ADSS1: variants seen among roughly 807,000 people sequenced by gnomAD.
The protein encoded by ADSS1 is adenylosuccinate synthase 1.
A neutral mutation model predicts 59.1 loss-of-function variants in ADSS1; 57 were observed. That is an observed-to-expected ratio of 0.97 (90% CI 0.78 to 1.20). ADSS1 has a LOEUF of 1.20. ADSS1 is among the 50% of genes most tolerant of loss of function. ADSS1 has a pLI of 0.00. For synonymous variants in ADSS1, 247 were observed against 249.4 expected (o/e 0.99, Z 0.09); for missense variants, 603 against 610.3 (o/e 0.99, Z 0.13).
In ADSS1 at chr14:104,740,926, G is replaced by T. The variant is rs1197570328; in HGVS notation, c.666+6G>T. On this transcript the variant is annotated splice_donor_region_variant and intron_variant, in intron 7 of 12. Transcript: ENST00000330877. The surrounding 1 kb of genome is among the most constrained non-coding windows in gnomAD (Gnocchi z 4.8). ...GCCAACTCAAAAGGCTCAAGGTGAAGTCGGGGCCGCAGTGTGGGGGCTGCG... is the reference window on the plus strand; with the variant it reads ...GCCAACTCAAAAGGCTCAAGGTGAATTCGGGGCCGCAGTGTGGGGGCTGCG... 2.5e-6 allele frequency: 4 copies of T among 1,613,976 alleles called. No homozygotes were observed. Among genetic ancestry groups the T allele is most frequent in the Admixed American group, 1.7e-5 (1 of 60,034 alleles).
At position 104,742,843 on chromosome 14, in the gene ADSS1, G is replaced by A. The variant is rs554555472; in HGVS notation, c.949-224G>A. On this transcript the variant is annotated intron_variant, in intron 9 of 12. Transcript: ENST00000330877. ...GTTCAGGAAGAGCGCTCGCCGGCTCGGGTGGCATTGTGGGCCAGGCCTTGC... is the reference window on the plus strand; with the variant it reads ...GTTCAGGAAGAGCGCTCGCCGGCTCAGGTGGCATTGTGGGCCAGGCCTTGC... 3.2e-4 allele frequency among the ~76,000 whole-genome samples: 49 copies of A among 152,266 alleles called. 3 individuals are homozygous for A. The highest frequency in any genetic ancestry group is 2.9e-3 in the Admixed American group (44 of 15,298).
At chr14:104,724,694 G>A (rs565856766) in intron 1 of ADSS1, among the ~76,000 whole-genome samples, 16 of 151,870 alleles carry the variant, frequency 1.1e-4, no homozygotes, top group East Asian at 9.7e-4. Context: ...CCACCACCCC[G>A]GCAGCGGGCC....
intron 1 of ADSS1, among the ~76,000 whole-genome samples, chr14:104,731,014 A>C (rs1264776372): frequency 7.2e-6 from 1 of 138,004 alleles, no homozygotes; most frequent in Non-Finnish European, 1.5e-5. Flanking sequence ...TCCTGACCCA[A>C]GCCTGCACCA....
chr14:104,741,892 G>A lies in ADSS1; in HGVS notation c.838G>A (p.Val280Met), dbSNP rs770096651. 3 of 1,613,378 alleles carry A rather than the reference G, an allele frequency of 1.9e-6. No individual in the cohort carries two copies. Among genetic ancestry groups the A allele is most frequent in the Admixed American group, 1.7e-5 (1 of 60,012 alleles). Reference sequence around the variant, plus strand: ...TTCATCCAACTGCACCGTGGGCGGTGTGTGCACGGGCCTGGGCATCCCCCC... The same window carrying A: ...TTCATCCAACTGCACCGTGGGCGGTATGTGCACGGGCCTGGGCATCCCCCC... ...VTSSNCTVGG[V>M]CTGLGIPPQN... Residue 280 changes from valine to methionine, a missense_variant, in exon 9 of 13, where the codon GTG (valine) becomes ATG (methionine). Physicochemically the swap from Val to Met is conservative, Grantham distance 21. Coordinates refer to ENST00000330877, the MANE Select transcript of ADSS1 (RefSeq NM_152328.5).
chr14:104,737,988 TTTG>T (rs969124871), intron 2 of ADSS1: 60 of 240,832 alleles, frequency 2.5e-4, no homozygotes, highest in African/African-American at 1.4e-3. Flanking sequence ...TGGGTTGTTT[TTTG>T]TTGTTGTTTG....
In ADSS1 at chr14:104,743,077, G is replaced by T. The variant is rs757985995; in HGVS notation, c.959G>T (p.Gly320Val). The T allele has an allele frequency of 1.2e-6, 2 of 1,612,918 alleles. No homozygotes were observed. Among genetic ancestry groups the T allele is most frequent in the Admixed American group, 3.3e-5 (2 of 60,008 alleles). ...FPTEQINEIG[G>V]LLQTRGHEWG... Reference sequence around the variant, plus strand: ...CCTGTTCTCATGTAGGAGATTGGAGGCCTGCTGCAGACCCGCGGCCACGAG... The same window carrying T: ...CCTGTTCTCATGTAGGAGATTGGAGTCCTGCTGCAGACCCGCGGCCACGAG... Residue 320 changes from glycine to valine, a missense_variant, in exon 10 of 13, where the codon GGC (glycine) becomes GTC (valine). Physicochemically the swap from Gly to Val is moderately radical, Grantham distance 109. Transcript: ENST00000330877.
chr14:104,746,112 C>A, intron 11 of ADSS1, 124 bp from the exon 12 acceptor site: 1 of 1,336,108 alleles, frequency 7.5e-7, no homozygotes, highest in Non-Finnish European at 1.0e-6. Flanking sequence ...CACTTGCTGC[C>A]TTCCTTGCAG....
intron 10 of ADSS1, chr14:104,744,595 G>A: frequency 3.5e-6 from 2 of 568,848 alleles, no homozygotes; most frequent in South Asian, 2.1e-5. Flanking sequence ...AGAATTGAAT[G>A]ACAGGAGGTG....
intron 3 of ADSS1, 96 bp downstream of exon 3, chr14:104,738,534 G>T (rs1237339405): frequency 7.1e-7 from 1 of 1,402,686 alleles, no homozygotes; most frequent in Non-Finnish European, 9.9e-7. Flanking sequence ...CCACGGAGGG[G>T]ACTGGCAGGG....
chr14:104,730,061 A>C (rs1188524303), intron 1 of ADSS1: 17 of 1,566,158 alleles, frequency 1.1e-5, no homozygotes, highest in Non-Finnish European at 1.5e-5. Context: ...AGCTCAGCCC[A>C]CCCCTCACCT....
chr14:104,734,986 A>G, intron 1 of ADSS1, 34 bp from the exon 2 acceptor site: 2 of 1,597,722 alleles, frequency 1.3e-6, no homozygotes, highest in Non-Finnish European at 1.7e-6. Flanking sequence ...CTCAGTACCC[A>G]AGTGCCTTCA....
intron 1 of ADSS1, among the ~76,000 whole-genome samples, chr14:104,733,301 G>A (rs978162774): frequency 4.6e-5 from 7 of 152,196 alleles, no homozygotes; most frequent in African/African-American, 1.4e-4. Context: ...AAGTCAGGGC[G>A]TGGAGGTGGG....
rs747094101 is a variant in ADSS1 at position 104,741,887 on chromosome 14, G to A, written c.833G>A (p.Gly278Asp). Residue 278 changes from glycine to aspartate, a missense_variant, in exon 9 of 13, where the codon GGC becomes GAC. Transcript: ENST00000330877. Reference protein sequence around the residue: ...PFVTSSNCTVGGVCTGLGIPP... With the variant: ...PFVTSSNCTVDGVCTGLGIPP... ...GTGACTTCATCCAACTGCACCGTGGGCGGTGTGTGCACGGGCCTGGGCATC... is the reference window on the plus strand; with the variant it reads ...GTGACTTCATCCAACTGCACCGTGGACGGTGTGTGCACGGGCCTGGGCATC... 10 of 1,613,356 alleles carry A rather than the reference G, an allele frequency of 6.2e-6. No homozygotes were observed. Among genetic ancestry groups the A allele is most frequent in the African/African-American group, 1.3e-5 (1 of 74,938 alleles).
chr14:104,742,294 C>T (rs1464522640), intron 9 of ADSS1, among the ~76,000 whole-genome samples: 5 of 152,276 alleles, frequency 3.3e-5, no homozygotes, highest in South Asian at 2.1e-4. Flanking sequence ...CAGGCAAGTG[C>T]GGACGCCTTG....
At chr14:104,738,811 A>G (rs1891221845) in intron 3 of ADSS1, among the ~76,000 whole-genome samples, 1 of 152,186 alleles carries the variant, frequency 6.6e-6, no homozygotes, top group Admixed American at 6.5e-5. Flanking sequence ...CAGAGGCCAG[A>G]CCCACCAGCT....
Position 104,741,165 on chromosome 14 carries a change from A to C in ADSS1, c.715A>C (p.Met239Leu), listed in dbSNP as rs753390024. Reference sequence around the variant, plus strand: ...CATGGTCCGAGATGGTGTTTACTTTATGTATGAGGCACTCCACGGCCCCCC... The same window carrying C: ...CATGGTCCGAGATGGTGTTTACTTTCTGTATGAGGCACTCCACGGCCCCCC... ...RPMVRDGVYF[M>L]YEALHGPPKK... The change falls in exon 8 of 13, where the codon ATG becomes CTG. Residue 239 changes from methionine (M) to leucine (L), a missense_variant. Coordinates refer to ENST00000330877, the MANE Select transcript of ADSS1 (RefSeq NM_152328.5). 1 of 1,612,130 alleles carries C rather than the reference A, an allele frequency of 6.2e-7. No homozygotes were observed. Among genetic ancestry groups the C allele is most frequent in the South Asian group, 1.1e-5 (1 of 90,888 alleles).
chr14:104,739,520 C>T (rs1182011898), intron 4 of ADSS1, 142 bp downstream of exon 4: 2 of 1,056,616 alleles, frequency 1.9e-6, no homozygotes, highest in Admixed American at 2.3e-5. Flanking sequence ...TGTACATTAC[C>T]CTTTTCAAAG....
At chr14:104,744,664 A>G in intron 10 of ADSS1, 148 bp from the exon 11 acceptor site, 1 of 662,970 alleles carries the variant, frequency 1.5e-6, no homozygotes, top group Admixed American at 2.8e-5. Context: ...CCCAATTCCA[A>G]ACAGGCCACC....
At chr14:104,730,105 G>T (rs1211353754) in intron 1 of ADSS1, 1 of 1,550,350 alleles carries the variant, frequency 6.5e-7, no homozygotes, top group South Asian at 1.2e-5. Flanking sequence ...CTAGGGTGAC[G>T]CTGGGAGAGG....
Sources: gnomAD v4.1 joint callset for allele counts (sites outside exome capture counted in the v4.1 genomes callset) on GRCh38, gnomAD v4.1.1 for gene constraint, Gnocchi (gnomAD v3.1) non-coding constraint, MANE v1.5 for transcripts, NCBI Gene and HGNC (gene_info 2026-07-23, HGNC 2026-07-21) for gene names.